Variants in DAAM2 observed in about 807,000 individuals in gnomAD.
The protein encoded by DAAM2 is disheveled-associated activator of morphogenesis 2.
A neutral mutation model predicts 120.7 loss-of-function variants in DAAM2; 39 were observed. The observed-to-expected ratio is 0.32, with a 90% confidence interval of 0.25 to 0.42. The LOEUF (loss-of-function observed/expected upper bound fraction) is 0.42, where lower values mean the gene tolerates loss of function less well. DAAM2 is among the 10% of genes least tolerant of loss of function. DAAM2 has a pLI of 1.00. For missense variants in DAAM2, 1,283 were observed against 1,401.7 expected (o/e 0.92, Z 1.35); for synonymous variants, 488 against 524.9 (o/e 0.93, Z 0.96).
At chr6:39,858,585 ATTCT>A (rs1764096105) in intron 2 of DAAM2, among the ~76,000 whole-genome samples, 1 of 152,206 alleles carries the variant, frequency 6.6e-6, no homozygotes, top group South Asian at 2.1e-4. Context: ...CAATCCACAC[ATTCT>A]TTCTGTACAT....
At chr6:39,820,795 GAAT>G (rs1235005702) in intron 1 of DAAM2, 1 of 152,196 alleles carries the variant, frequency 6.6e-6, no homozygotes, top group Non-Finnish European at 1.5e-5. Flanking sequence ...TGTAAAATGG[GAAT>G]AATAATCACA....
intron 1 of DAAM2, among the ~76,000 whole-genome samples, chr6:39,842,766 A>G (rs752963037): frequency 2.0e-4 from 31 of 151,296 alleles, no homozygotes; most frequent in Non-Finnish European, 4.1e-4. Flanking sequence ...GAATGCAGGT[A>G]GGTTGGAGTG....
rs573288225 is a variant in DAAM2, at chr6:39,896,800, C to T, written c.2342-12C>T. The T allele has an allele frequency of 3.8e-5, 60 of 1,579,326 alleles. No individual in the cohort carries two copies. The East Asian group carries it at 1.3e-3, about 35-fold the overall frequency. On this transcript the variant is annotated splice_polypyrimidine_tract_variant and intron_variant, in intron 19 of 24. Transcript: ENST00000274867. ...GCCCATGCAGGCCTCTGACCTGTGCCTCCTCTCCCAGCCATCCTGTTGGCC... is the reference window on the plus strand; with the variant it reads ...GCCCATGCAGGCCTCTGACCTGTGCTTCCTCTCCCAGCCATCCTGTTGGCC...
chr6:39,864,584 C>T, intron 4 of DAAM2, 77 bp downstream of exon 4: 1 of 1,220,132 alleles, frequency 8.2e-7, no homozygotes, highest in East Asian at 2.5e-5. Flanking sequence ...AGCCCCCACC[C>T]CCCACACACC....
intron 19 of DAAM2, among the ~76,000 whole-genome samples, chr6:39,892,630 T>C (rs1582756695): frequency 6.6e-6 from 1 of 151,816 alleles, no homozygotes; most frequent in South Asian, 2.1e-4. Flanking sequence ...GAGGACAGGG[T>C]CAGCAGAGTG....
chr6:39,800,444 T>C (rs1415880620), intron 1 of DAAM2, among the ~76,000 whole-genome samples: 1 of 152,154 alleles, frequency 6.6e-6, no homozygotes, highest in East Asian at 1.9e-4. Flanking sequence ...ATCAATGAGA[T>C]TGGAGAACAG....
At chr6:39,844,519 C>T (rs1246299835) in intron 1 of DAAM2, among the ~76,000 whole-genome samples, 1 of 152,100 alleles carries the variant, frequency 6.6e-6, no homozygotes, top group Non-Finnish European at 1.5e-5. Flanking sequence ...TCTGACCTCT[C>T]TGGGTTGTTG....
At chr6:39,839,231 G>A (rs1025774560) in intron 1 of DAAM2, among the ~76,000 whole-genome samples, 11 of 152,084 alleles carry the variant, frequency 7.2e-5, no homozygotes, top group African/African-American at 1.4e-4. Context: ...AAATTCTGGC[G>A]AAAAAAGAGG....
At chr6:39,828,570 C>CTTTTT (rs1430820441) in intron 1 of DAAM2, among the ~76,000 whole-genome samples, 1 of 142,554 alleles carries the variant, frequency 7.0e-6, no homozygotes, top group African/African-American at 2.6e-5. Context: ...CCCCCTCCGT[C>CTTTTT]TTTTTTTTTT....
At chr6:39,886,710 A>T in intron 15 of DAAM2, 1 of 367,890 alleles carries the variant, frequency 2.7e-6, no homozygotes, top group East Asian at 3.9e-5. Context: ...CTTACCCACC[A>T]GGCCAAAGGA....
chr6:39,887,931 G>A (rs1562055990), intron 16 of DAAM2: 1 of 273,626 alleles, frequency 3.7e-6, no homozygotes. Flanking sequence ...CAGTATCTGC[G>A]CTAACAGCAC....
At chr6:39,879,625 G>A in intron 14 of DAAM2, 148 bp downstream of exon 14, 1 of 1,064,442 alleles carries the variant, frequency 9.4e-7, no homozygotes, top group Middle Eastern at 2.0e-4. Context: ...TACAAAGTGG[G>A]TTTGCTGTGC....
chr6:39,865,160 C>A, intron 5 of DAAM2, 86 bp downstream of exon 5: 1 of 801,244 alleles, frequency 1.2e-6, no homozygotes, highest in Non-Finnish European at 2.1e-6. Context: ...CAGTGCTCTG[C>A]TCCCATGCCG....
chr6:39,870,265 G>T, intron 7 of DAAM2, 75 bp from the exon 8 acceptor site: 2 of 880,796 alleles, frequency 2.3e-6, no homozygotes, highest in Non-Finnish European at 1.9e-6. Context: ...CTAGGGTGGT[G>T]ATGAGGGCTC....
chr6:39,836,195 C>T (rs899993984), intron 1 of DAAM2, among the ~76,000 whole-genome samples: 1 of 152,160 alleles, frequency 6.6e-6, no homozygotes. Context: ...GTTCTGTGCA[C>T]TGGCTTTGGC....
chr6:39,887,421 G>C (rs1765441062), intron 15 of DAAM2, 65 bp from the exon 16 acceptor site: 1 of 1,173,434 alleles, frequency 8.5e-7, no homozygotes, highest in Non-Finnish European at 1.2e-6. Flanking sequence ...TGGCTCTTGC[G>C]GGGCGGGTAA....
At chr6:39,811,480 G>A (rs1473774994) in intron 1 of DAAM2, among the ~76,000 whole-genome samples, 1 of 152,074 alleles carries the variant, frequency 6.6e-6, no homozygotes, top group Non-Finnish European at 1.5e-5. Context: ...AGTAAAGGAG[G>A]GGACTTTTGG....
Position 39,896,909 on chromosome 6 carries a change from G to T in DAAM2, c.2439G>T (p.Gln813His). 6.2e-7 allele frequency: 1 copy of T among 1,613,834 alleles called. No individual in the cohort carries two copies. The highest frequency in any genetic ancestry group is 1.1e-5 in the South Asian group (1 of 91,064). Residue 813 changes from glutamine (Q) to histidine (H), a missense_variant, in exon 20 of 25, where the codon CAG becomes CAT. Physicochemically the swap from Gln to His is conservative, Grantham distance 24. Coordinates refer to ENST00000274867, the MANE Select transcript of DAAM2 (RefSeq NM_001201427.2). The part of the protein sequence containing the change: ...LAIGNFMNKG[Q>H]RGGAYGFRVA... ...TAGGCAACTTCATGAACAAAGGGCA[G>T]CGTGGGGGCGCCTACGGGTTCCGGG...
chr6:39,795,933 G>A (rs1761686628), intron 1 of DAAM2, among the ~76,000 whole-genome samples: 1 of 152,042 alleles, frequency 6.6e-6, no homozygotes, highest in South Asian at 2.1e-4. Flanking sequence ...AGGTAGGGAG[G>A]TGGGGGTAGG....
Sources: gnomAD v4.1 joint callset for allele counts (sites outside exome capture counted in the v4.1 genomes callset) on GRCh38, gnomAD v4.1.1 for gene constraint, MANE v1.5 for transcripts, NCBI Gene and HGNC (gene_info 2026-07-23, HGNC 2026-07-21) for gene names.